The following SLC14A2 variants were observed in gnomAD, a reference collection of about 807,000 sequenced individuals.
SLC14A2 encodes urea transporter 2.
SLC14A2 carries 91 observed loss-of-function variants against 104.6 expected under a neutral mutation model. The observed-to-expected ratio is 0.87, with a 90% CI of 0.73 to 1.04. SLC14A2 has a LOEUF of 1.04. Ranked by LOEUF, SLC14A2 falls within the 50% of genes least tolerant of loss-of-function variation. The probability of loss-of-function intolerance (pLI) is 0.00; values close to 1 mark genes in which losing one functional copy is unlikely to be tolerated. For missense variants in SLC14A2, 1,189 were observed against 1,156.0 expected, an observed-to-expected ratio of 1.03 and a Z score of -0.41; for synonymous variants, 476 against 466.4, an observed-to-expected ratio of 1.02 and a Z score of -0.27.
intron 1 of SLC14A2, among the ~76,000 whole-genome samples, chr18:45,241,227 G>A (rs887490494): frequency 1.3e-5 from 2 of 152,198 alleles, no homozygotes; most frequent in African/African-American, 2.4e-5. Flanking sequence ...TAAAAGGCTA[G>A]GAACTTTATT....
chr18:45,306,889 G>A (rs1256685522), intron 1 of SLC14A2, among the ~76,000 whole-genome samples: 2 of 152,166 alleles, frequency 1.3e-5, no homozygotes, highest in African/African-American at 4.8e-5. Context: ...AGAACCATCT[G>A]TTCTCATTTT....
chr18:45,634,334 G>A lies in SLC14A2; in HGVS notation c.650+1856G>A, dbSNP rs112746495. ...GAAAAGTCTCTATTCCCTTGGAACT[G>A]ACATTCTTCTTGGCTAAGACAGAAA... On this transcript the variant is annotated intron_variant, in intron 5 of 19. Coordinates refer to ENST00000255226, the MANE Select transcript of SLC14A2 (RefSeq NM_007163.4). Among the ~76,000 whole-genome samples the A allele has an allele frequency of 4.9e-3, 749 of 152,334 alleles. 10 individuals are homozygous for A. Among genetic ancestry groups the A allele is most frequent in the African/African-American group, 0.017 (698 of 41,572 alleles).
chr18:45,402,745 G>C (rs2086110507), intron 1 of SLC14A2, among the ~76,000 whole-genome samples: 1 of 152,160 alleles, frequency 6.6e-6, no homozygotes, highest in Non-Finnish European at 1.5e-5. Context: ...AGTTGGCACA[G>C]CTAGTTAGTG....
chr18:45,438,024 C>T (rs1032487184), intron 1 of SLC14A2: 8 of 152,122 alleles, frequency 5.3e-5, no homozygotes, highest in African/African-American at 1.9e-4. Flanking sequence ...TTATTAAGCC[C>T]TTACTATATA....
At chr18:45,466,021 A>G (rs1387306270) in intron 1 of SLC14A2, among the ~76,000 whole-genome samples, 1 of 152,208 alleles carries the variant, frequency 6.6e-6, no homozygotes, top group Non-Finnish European at 1.5e-5. Context: ...GTTAAACTAT[A>G]GATTTTATCA....
chr18:45,670,274 T>A (rs1223255324), intron 16 of SLC14A2, among the ~76,000 whole-genome samples: 2 of 152,314 alleles, frequency 1.3e-5, no homozygotes, highest in East Asian at 3.9e-4. Context: ...AAGTTTTTTT[T>A]AATAAGTATT....
At chr18:45,537,922 T>C (rs1598977218) in intron 2 of SLC14A2, among the ~76,000 whole-genome samples, 1 of 152,242 alleles carries the variant, frequency 6.6e-6, no homozygotes, top group East Asian at 1.9e-4. Context: ...GGGTTGGAAA[T>C]AAAAATGTGG....
chr18:45,194,859 C>T, the SLC14A2 span, among the ~76,000 whole-genome samples: 9 of 151,704 alleles, frequency 5.9e-5, no homozygotes, highest in African/African-American at 1.5e-4. Context: ...TTAGCCAGGA[C>T]GGTCTCAATC....
chr18:45,177,564 T>C, the SLC14A2 span, among the ~76,000 whole-genome samples: 2 of 152,164 alleles, frequency 1.3e-5, no homozygotes, highest in Non-Finnish European at 2.9e-5. Flanking sequence ...TGGAATGCTC[T>C]CCCTCCCATT....
chr18:45,346,615 T>C (rs779889007), intron 1 of SLC14A2, among the ~76,000 whole-genome samples: 12 of 152,190 alleles, frequency 7.9e-5, no homozygotes, highest in Non-Finnish European at 1.6e-4. Context: ...AAATTTAATA[T>C]AAATTTATCA....
At chr18:45,464,226 A>G (rs2087098776) in intron 1 of SLC14A2, among the ~76,000 whole-genome samples, 1 of 152,156 alleles carries the variant, frequency 6.6e-6, no homozygotes. Flanking sequence ...TTTGCTACCA[A>G]CTAACTGTCT....
At chr18:45,681,007 C>A (rs115391431) in intron 19 of SLC14A2, among the ~76,000 whole-genome samples, 7 of 145,202 alleles carry the variant, frequency 4.8e-5, no homozygotes, top group African/African-American at 2.0e-4. Flanking sequence ...TGGACACACA[C>A]ATGACTGGCA....
At chr18:45,334,510 T>G (rs566024715) in intron 1 of SLC14A2, among the ~76,000 whole-genome samples, 1 of 152,208 alleles carries the variant, frequency 6.6e-6, no homozygotes, top group Non-Finnish European at 1.5e-5. Context: ...AAGAAAGTTC[T>G]TAAGCACTTT....
chr18:45,194,496 A>G, the SLC14A2 span, among the ~76,000 whole-genome samples: 1 of 152,224 alleles, frequency 6.6e-6, no homozygotes, highest in East Asian at 1.9e-4. Flanking sequence ...GGTAAATTAC[A>G]TTTATTTTCC....
chr18:45,373,242 G>A (rs1187251064), intron 1 of SLC14A2, among the ~76,000 whole-genome samples: 2 of 152,018 alleles, frequency 1.3e-5, no homozygotes, highest in African/African-American at 4.8e-5. Context: ...TTCTCTCTTA[G>A]TAGGAAAAAA....
chr18:45,419,257 A>C (rs2086312704), intron 1 of SLC14A2, among the ~76,000 whole-genome samples: 1 of 152,140 alleles, frequency 6.6e-6, no homozygotes, highest in African/African-American at 2.4e-5. Context: ...CAGGGTTCCT[A>C]AAGCACACCC....
chr18:45,621,060 G>A (rs182693569), intron 1 of SLC14A2, among the ~76,000 whole-genome samples: 1 of 152,322 alleles, frequency 6.6e-6, no homozygotes, highest in East Asian at 1.9e-4. Flanking sequence ...TGCAGATTGT[G>A]TGTCTAGATA....
chr18:45,377,070 C>CT lies in SLC14A2; in HGVS notation c.-124-106161dup, dbSNP rs534437112. The stretch of plus-strand genomic sequence containing the variant: ...ACAACCCATTGCCATCTGACTGCCT[C>CT]TTCCACTATGCCCTGATGCTACTTT... On this transcript the variant is annotated intron_variant, in intron 1 of 20. Coordinates refer to the SLC14A2 transcript ENST00000586448. 3.0e-3 allele frequency among the ~76,000 whole-genome samples: 462 copies of CT among 152,282 alleles called. 7 individuals are homozygous for CT. The highest frequency in any genetic ancestry group is 0.011 in the African/African-American group (444 of 41,554).
At chr18:45,650,662 T>A (rs1349003384) in intron 10 of SLC14A2, among the ~76,000 whole-genome samples, 3 of 152,246 alleles carry the variant, frequency 2.0e-5, no homozygotes, top group Non-Finnish European at 1.5e-5. Context: ...TAGTCTCACC[T>A]GAGGTGAAGA....
Sources: allele counts gnomAD v4.1 joint callset (sites outside exome capture counted in the v4.1 genomes callset), GRCh38; gene constraint gnomAD v4.1.1; transcripts MANE v1.5; gene names NCBI Gene and HGNC (gene_info 2026-07-23, HGNC 2026-07-21).